SPOCK1: variants seen among roughly 807,000 people sequenced by gnomAD.
The protein encoded by SPOCK1 is SPARC (osteonectin), cwcv and kazal like domains proteoglycan 1.
In SPOCK1, 23 loss-of-function variants were observed where a neutral mutation model predicts 55.3. The observed-to-expected ratio is 0.42, with a 90% confidence interval of 0.30 to 0.59. The LOEUF is 0.59. Ranked by LOEUF, SPOCK1 falls within the 20% of genes least tolerant of loss-of-function variation. The pLI is 0.22. For missense variants in SPOCK1, 499 were observed against 552.5 expected, an observed-to-expected ratio of 0.90 and a Z score of 0.97; for synonymous variants, 226 against 221.0, an observed-to-expected ratio of 1.02 and a Z score of -0.20.
Position 137,116,609 on chromosome 5 carries a change from G to A in SPOCK1, c.348-4048C>T, listed in dbSNP as rs532034291. 1.4e-4 allele frequency among the ~76,000 whole-genome samples: 21 copies of A among 151,930 alleles called. No homozygotes were observed. In the East Asian group the frequency reaches 3.7e-3, roughly 27 times the overall value. On this transcript the variant is annotated intron_variant, in intron 4 of 10. Coordinates refer to ENST00000394945, the MANE Select transcript of SPOCK1 (RefSeq NM_004598.4). ...TACAGTGAGCCGAGATCATACCACTGCACTCCAGCCTGGGCAACAAAAACA... is the reference window on the plus strand; with the variant it reads ...TACAGTGAGCCGAGATCATACCACTACACTCCAGCCTGGGCAACAAAAACA...
chr5:137,129,968 G>C (rs940866512), intron 4 of SPOCK1, among the ~76,000 whole-genome samples: 2 of 152,156 alleles, frequency 1.3e-5, no homozygotes, highest in African/African-American at 4.8e-5. Context: ...ATTTTAAAGA[G>C]GGAACTTCCC....
chr5:137,037,472 T>C (rs540911301), intron 6 of SPOCK1, among the ~76,000 whole-genome samples: 1 of 152,072 alleles, frequency 6.6e-6, no homozygotes, highest in South Asian at 2.1e-4. Flanking sequence ...ACTTGTCTCA[T>C]AGCAGGTGCT....
At chr5:137,186,858 C>A (rs780350863) in intron 3 of SPOCK1, among the ~76,000 whole-genome samples, 3 of 152,188 alleles carry the variant, frequency 2.0e-5, no homozygotes, top group African/African-American at 4.8e-5. Flanking sequence ...ACTGTTCTCA[C>A]CAGAGGACCA....
In SPOCK1 at chr5:137,029,190, G is replaced by T. The variant is rs185902329; in HGVS notation, c.590-36590C>A. On this transcript the variant is annotated intron_variant, in intron 6 of 10. Transcript: ENST00000394945. ...AGACTTGATAAGCTATCTTGGTTTT[G>T]GTTTATAGAACAGTCTTTTGAGAAC... 1.2e-4 allele frequency among the ~76,000 whole-genome samples: 18 copies of T among 152,242 alleles called. No homozygotes were observed. The East Asian group carries it at 3.3e-3, about 28-fold the overall frequency.
At chr5:137,054,503 G>A (rs1002537549) in intron 6 of SPOCK1, among the ~76,000 whole-genome samples, 1 of 152,182 alleles carries the variant, frequency 6.6e-6, no homozygotes, top group African/African-American at 2.4e-5. Flanking sequence ...ACATGTGGCA[G>A]AGGCCACACT....
intron 4 of SPOCK1, among the ~76,000 whole-genome samples, chr5:137,128,033 G>A (rs769858242): frequency 5.3e-5 from 8 of 152,216 alleles, no homozygotes; most frequent in Admixed American, 6.5e-5. Context: ...AATCCCCAAT[G>A]TGAGGGTATT....
At chr5:137,302,119 A>G (rs1163760152) in intron 2 of SPOCK1, among the ~76,000 whole-genome samples, 1 of 152,212 alleles carries the variant, frequency 6.6e-6, no homozygotes, top group Non-Finnish European at 1.5e-5. Context: ...AGGCTGGTCC[A>G]CTCCACAGAA....
At chr5:137,342,982 A>T (rs1457462504) in intron 2 of SPOCK1, among the ~76,000 whole-genome samples, 1 of 152,280 alleles carries the variant, frequency 6.6e-6, no homozygotes, top group Admixed American at 6.5e-5. Flanking sequence ...CTAATGCTAG[A>T]TAAATGATCT....
chr5:137,176,302 C>T (rs567776587), intron 3 of SPOCK1, among the ~76,000 whole-genome samples: 1 of 152,258 alleles, frequency 6.6e-6, no homozygotes, highest in African/African-American at 2.4e-5. Context: ...TGAACAGGCT[C>T]ACAGGTAGGC....
At chr5:137,148,919 T>C (rs1459322744) in intron 3 of SPOCK1, among the ~76,000 whole-genome samples, 1 of 152,098 alleles carries the variant, frequency 6.6e-6, no homozygotes. Flanking sequence ...CAAGCAGCAA[T>C]GTATCACACC....
In SPOCK1 at chr5:136,992,515, G is replaced by A. The variant is rs1268444865; in HGVS notation, c.675C>T (p.Ile225=). Residue 225 remains isoleucine, a synonymous_variant, in exon 7 of 11, where the codon ATC becomes ATT. Transcript: ENST00000394945. ...GGGCTGTGTTGGAGCTGGTGGGCTTGATGACTCTGTTCGCATCCTCGTGGA... is the reference window on the plus strand; with the variant it reads ...GGGCTGTGTTGGAGCTGGTGGGCTTAATGACTCTGTTCGCATCCTCGTGGA... The part of the protein sequence containing the change: ...GALHEDANRV[I]KPTSSNTAQG... The A allele has an allele frequency of 7.4e-6, 12 of 1,613,666 alleles. No homozygotes were observed. Among genetic ancestry groups the A allele is most frequent in the Non-Finnish European group, 1.0e-5 (12 of 1,179,792 alleles).
intron 6 of SPOCK1, among the ~76,000 whole-genome samples, chr5:137,035,292 C>T (rs1014836170): frequency 2.6e-5 from 4 of 152,292 alleles, no homozygotes; most frequent in East Asian, 1.9e-4. Flanking sequence ...GCTCCCCCAG[C>T]GGATGGCAGC....
intron 2 of SPOCK1, among the ~76,000 whole-genome samples, chr5:137,348,217 T>C (rs1750601753): frequency 1.3e-5 from 2 of 152,162 alleles, no homozygotes; most frequent in African/African-American, 4.8e-5. Flanking sequence ...GAGGTGGACA[T>C]TCAGTAATAT....
chr5:137,267,795 T>G (rs1003588204), intron 2 of SPOCK1, among the ~76,000 whole-genome samples: 2 of 152,236 alleles, frequency 1.3e-5, no homozygotes, highest in Non-Finnish European at 2.9e-5. Context: ...ACAGCCACCA[T>G]GTACTCCCTT....
At chr5:137,497,820 A>G (rs1014189473) in intron 2 of SPOCK1, among the ~76,000 whole-genome samples, 1 of 151,812 alleles carries the variant, frequency 6.6e-6, no homozygotes, top group Non-Finnish European at 1.5e-5. Context: ...GTATTTTATC[A>G]GGCCCATTGC....
At chr5:137,361,392 G>A (rs1294262582) in intron 2 of SPOCK1, among the ~76,000 whole-genome samples, 1 of 152,210 alleles carries the variant, frequency 6.6e-6, no homozygotes, top group South Asian at 2.1e-4. Flanking sequence ...CTGTATCAGA[G>A]TCACCTAACA....
chr5:137,479,297 T>C (rs1179223950), intron 2 of SPOCK1, among the ~76,000 whole-genome samples: 2 of 152,144 alleles, frequency 1.3e-5, no homozygotes, highest in East Asian at 1.9e-4. Context: ...CATGGGTTAG[T>C]AGAGCAAGGA....
At chr5:137,041,749 A>G (rs1752002379) in intron 6 of SPOCK1, among the ~76,000 whole-genome samples, 1 of 152,204 alleles carries the variant, frequency 6.6e-6, no homozygotes, top group Non-Finnish European at 1.5e-5. Flanking sequence ...AAACAATAAT[A>G]CCATATCACC....
intron 2 of SPOCK1, among the ~76,000 whole-genome samples, chr5:137,361,294 C>G (rs1193872230): frequency 6.6e-6 from 1 of 152,180 alleles, no homozygotes; most frequent in Non-Finnish European, 1.5e-5. Flanking sequence ...TGAGCTATGA[C>G]AATGTTATAA....
Sources: allele counts gnomAD v4.1 joint callset (sites outside exome capture counted in the v4.1 genomes callset), GRCh38; gene constraint gnomAD v4.1.1; transcripts MANE v1.5; gene names NCBI Gene and HGNC (gene_info 2026-07-23, HGNC 2026-07-21).